PLXNA2: variants seen among roughly 807,000 people sequenced by gnomAD.
PLXNA2 encodes plexin-A2.
Under a neutral mutation model 193.5 loss-of-function variants are expected in PLXNA2, and 91 were observed. The observed-to-expected ratio is 0.47, with a 90% CI of 0.40 to 0.56. PLXNA2 has a LOEUF of 0.56. PLXNA2 is among the 20% of genes least tolerant of loss of function. The pLI is 0.00. For missense variants in PLXNA2, 1,995 were observed against 2,503.2 expected (o/e 0.80, Z 4.33); for synonymous variants, 997 against 1,027.3 (o/e 0.97, Z 0.56).
chr1:208,220,803 A>G (rs1202001512), intron 1 of PLXNA2, among the ~76,000 whole-genome samples: 2 of 151,936 alleles, frequency 1.3e-5, no homozygotes, highest in Non-Finnish European at 2.9e-5. Context: ...ACAGCTCTTG[A>G]CTTCTCTTTT....
At chr1:208,197,924 C>T (rs923789754) in intron 3 of PLXNA2, among the ~76,000 whole-genome samples, 4 of 152,154 alleles carry the variant, frequency 2.6e-5, no homozygotes, top group African/African-American at 9.7e-5. Flanking sequence ...AGGCCCAATA[C>T]AAATATAGAA....
At chr1:208,191,302 C>A (rs1670173742) in intron 3 of PLXNA2, among the ~76,000 whole-genome samples, 1 of 152,164 alleles carries the variant, frequency 6.6e-6, no homozygotes, top group Admixed American at 6.5e-5. Context: ...TGGCTCCTGT[C>A]CTAGGATTTC....
At chr1:208,051,448 T>C (rs1665259032) in intron 15 of PLXNA2, 25 bp from the exon 16 acceptor site, 1 of 1,590,888 alleles carries the variant, frequency 6.3e-7, no homozygotes, top group Non-Finnish European at 8.6e-7. Context: ...GCAGGAGGGT[T>C]GAGAAGAAAG....
intron 3 of PLXNA2, among the ~76,000 whole-genome samples, chr1:208,193,310 C>T (rs1189312024): frequency 6.6e-6 from 1 of 152,186 alleles, no homozygotes; most frequent in Non-Finnish European, 1.5e-5. Flanking sequence ...CCTAGGGCCC[C>T]TTGGTGCCAG....
In PLXNA2 at chr1:208,044,766, G is replaced by C; in HGVS notation, c.3640-24C>G. On this transcript the variant is annotated intron_variant, in intron 19 of 31. Transcript: ENST00000367033. This position sits in a 1 kb window ranked among gnomAD's most constrained non-coding sequence, Gnocchi z 4.9. ...ACCTGTGCATTGTACACATACAGAC[G>C]CACATGGATGCACACAGGTGTAGAG... 1 of 1,551,232 alleles carries C rather than the reference G, an allele frequency of 6.4e-7. No homozygotes were observed. The highest frequency in any genetic ancestry group is 8.9e-7 in the Non-Finnish European group (1 of 1,128,070).
chr1:208,071,514 ATGTGTGTGTGTC>A (rs1247971848), intron 12 of PLXNA2, among the ~76,000 whole-genome samples: 1 of 152,028 alleles, frequency 6.6e-6, no homozygotes, highest in Non-Finnish European at 1.5e-5. Flanking sequence ...CTTGAAGTGT[ATGTGTGTGTGTC>A]TGTGTGTGTG....
intron 12 of PLXNA2, among the ~76,000 whole-genome samples, chr1:208,064,354 C>T (rs763119863): frequency 2.6e-5 from 4 of 152,236 alleles, no homozygotes; most frequent in African/African-American, 4.8e-5. Context: ...TGGCTCTGAC[C>T]ATTGCCAAGG....
chr1:208,128,704 T>C (rs868065863), intron 4 of PLXNA2, among the ~76,000 whole-genome samples: 60 of 142,898 alleles, frequency 4.2e-4, no homozygotes, highest in African/African-American at 1.5e-3. Flanking sequence ...TCTTTTTTTT[T>C]TTTTTTTTTT....
chr1:208,033,784 C>T (rs561695369), intron 27 of PLXNA2, among the ~76,000 whole-genome samples: 1 of 152,230 alleles, frequency 6.6e-6, no homozygotes, highest in Non-Finnish European at 1.5e-5. Flanking sequence ...TACTCTGACA[C>T]TCCCAGCAAT....
chr1:208,235,125 C>T (rs1170015324), intron 1 of PLXNA2, among the ~76,000 whole-genome samples: 3 of 152,192 alleles, frequency 2.0e-5, no homozygotes, highest in Non-Finnish European at 4.4e-5. Flanking sequence ...GCACCAAAAA[C>T]CCAAGGGCGG....
chr1:208,224,420 G>C (rs1420050053), intron 1 of PLXNA2, among the ~76,000 whole-genome samples: 1 of 151,852 alleles, frequency 6.6e-6, no homozygotes, highest in Non-Finnish European at 1.5e-5. Flanking sequence ...ATGTGACAGG[G>C]CTGCAGGAGG....
intron 4 of PLXNA2, among the ~76,000 whole-genome samples, chr1:208,103,980 G>T (rs950115946): frequency 1.2e-4 from 18 of 152,122 alleles, no homozygotes; most frequent in African/African-American, 4.1e-4. Context: ...GGCCTGTCTG[G>T]ATATTACTCA....
chr1:208,100,495 A>G (rs1667060669), intron 5 of PLXNA2, among the ~76,000 whole-genome samples: 1 of 152,078 alleles, frequency 6.6e-6, no homozygotes, highest in African/African-American at 2.4e-5. Context: ...TATTAATATT[A>G]ATGATGCTGA....
At chr1:208,180,431 G>T (rs1452268499) in intron 3 of PLXNA2, among the ~76,000 whole-genome samples, 1 of 152,154 alleles carries the variant, frequency 6.6e-6, no homozygotes, top group Non-Finnish European at 1.5e-5. Context: ...CTGAGCTTTG[G>T]CTGTGGCAGT....
At position 208,103,237 on chromosome 1, in the gene PLXNA2, AC is replaced by A. The variant is rs1450807583; in HGVS notation, c.1516del (p.Val506SerfsTer16). ...YVMSERQVTR[V>X]PVESCEQYTT... ...ATACTGCTCACATGACTCCACGGGGACCCTGGTGACCTGGCAGAGAGAGCAA... is the reference window on the plus strand; with the variant it reads ...ATACTGCTCACATGACTCCACGGGGACCTGGTGACCTGGCAGAGAGAGCAA... On this transcript the variant is annotated frameshift_variant, in exon 5 of 32. Coordinates refer to ENST00000367033, the MANE Select transcript of PLXNA2 (RefSeq NM_025179.4). LOFTEE classifies it high-confidence loss of function. 1 of 1,613,286 alleles carries A rather than the reference AC, an allele frequency of 6.2e-7. No individual in the cohort carries two copies. Among genetic ancestry groups the A allele is most frequent in the Non-Finnish European group, 8.5e-7 (1 of 1,179,654 alleles).
chr1:208,125,025 C>T (rs926064384), intron 4 of PLXNA2, among the ~76,000 whole-genome samples: 7 of 152,196 alleles, frequency 4.6e-5, no homozygotes, highest in Non-Finnish European at 1.0e-4. Flanking sequence ...CCGGTTTTCT[C>T]AATGGATACT....
At chr1:208,045,573 C>CAAA (rs1665034238) in intron 18 of PLXNA2, among the ~76,000 whole-genome samples, 3 of 152,152 alleles carry the variant, frequency 2.0e-5, no homozygotes, top group Non-Finnish European at 2.9e-5. Flanking sequence ...GTGTGGGCTC[C>CAAA]TGTGGCCACA....
At chr1:208,055,079 C>A (rs1445229124) in intron 13 of PLXNA2, among the ~76,000 whole-genome samples, 17 of 152,108 alleles carry the variant, frequency 1.1e-4, no homozygotes. Context: ...GAAGGAGCTC[C>A]CTGCAGAACG....
intron 1 of PLXNA2, among the ~76,000 whole-genome samples, chr1:208,238,160 C>T (rs539377291): frequency 2.9e-4 from 44 of 152,230 alleles, no homozygotes; most frequent in Middle Eastern, 3.4e-3. Context: ...CCTCTCAAAG[C>T]GTCGGAGAGA....
Sources: allele counts gnomAD v4.1 joint callset (sites outside exome capture counted in the v4.1 genomes callset), GRCh38; gene constraint gnomAD v4.1.1; non-coding constraint Gnocchi (gnomAD v3.1); transcripts MANE v1.5; gene names NCBI Gene and HGNC (gene_info 2026-07-23, HGNC 2026-07-21).